EPRS1: variants seen among roughly 807,000 people sequenced by gnomAD.
The protein encoded by EPRS1 is glutamyl-prolyl-tRNA synthetase 1.
In EPRS1, 107 loss-of-function variants were observed where a neutral mutation model predicts 188.3. The observed-to-expected ratio is 0.57, with a 90% confidence interval of 0.49 to 0.67. The LOEUF is 0.67. Among genes scored for constraint, EPRS1 ranks in the 30% least tolerant of loss-of-function variants. The pLI is 0.00. For synonymous variants in EPRS1, 596 were observed against 593.1 expected, an observed-to-expected ratio of 1.00 and a Z score of -0.07; for missense variants, 1,577 against 1,802.2, an observed-to-expected ratio of 0.88 and a Z score of 2.26.
intron 6 of EPRS1, among the ~76,000 whole-genome samples, chr1:220,026,029 G>A (rs12080935): frequency 0.036 from 5,537 of 152,204 alleles, 303 homozygotes; most frequent in African/African-American, 0.12. Context: ...TCTTGACCTC[G>A]TGATCCGCCT....
chr1:219,992,610 G>A (rs1267753680), intron 18 of EPRS1, among the ~76,000 whole-genome samples: 1 of 152,178 alleles, frequency 6.6e-6, no homozygotes, highest in Admixed American at 6.6e-5. Flanking sequence ...TGTACACCAT[G>A]AGTGTGGCTG....
At chr1:219,973,743 C>T (rs187754535) in intron 28 of EPRS1, among the ~76,000 whole-genome samples, 1 of 152,236 alleles carries the variant, frequency 6.6e-6, no homozygotes, top group East Asian at 1.9e-4. Context: ...TTTGAGGCTA[C>T]AAGCCACTGA....
At chr1:220,022,261 G>T in intron 9 of EPRS1, 86 bp downstream of exon 9, 1 of 1,194,072 alleles carries the variant, frequency 8.4e-7, no homozygotes, top group Non-Finnish European at 1.2e-6. Flanking sequence ...CAGGTTTCTT[G>T]ACTATTTTGC....
chr1:220,029,931 GA>G (rs1352147304), intron 6 of EPRS1, among the ~76,000 whole-genome samples: 1 of 152,124 alleles, frequency 6.6e-6, no homozygotes, highest in African/African-American at 2.4e-5. Flanking sequence ...CTAATGGAAA[GA>G]AAGGAATAGG....
Position 219,979,408 on chromosome 1 carries a change from T to G in EPRS1, c.3909+10A>C, listed in dbSNP as rs776217803. 3.1e-6 allele frequency: 5 copies of G among 1,594,198 alleles called. No individual in the cohort carries two copies. In the South Asian group the frequency reaches 5.7e-5, roughly 18 times the overall value. On this transcript the variant is annotated intron_variant, in intron 27 of 31. Coordinates refer to ENST00000366923, the MANE Select transcript of EPRS1 (RefSeq NM_004446.3). ...ATAAAATGAGTGATAAACAGGAATA[T>G]TTTCCTTACCTGAACACATGCTACA...
In EPRS1 at chr1:219,987,299, T is replaced by C. The variant is rs1217411198; in HGVS notation, c.2881A>G (p.Lys961Glu). 4 of 1,613,956 alleles carry C rather than the reference T, an allele frequency of 2.5e-6. No homozygotes were observed. Among genetic ancestry groups the C allele is most frequent in the Admixed American group, 1.7e-5 (1 of 59,996 alleles). ...KPVSATGAED[K>E]DKKKKEKENK... is the part of the protein sequence containing the mutation. ...TCTTTTTCTTTCTTCTTCTTATCTT[T>C]GTCCTCAGCTCCAGTGGCCGACACA... The change falls in exon 20 of 32, where the codon AAA becomes GAA. Residue 961 changes from lysine to glutamate, a missense_variant. By Grantham distance (56) the Lys-to-Glu change is moderately conservative. Transcript: ENST00000366923.
Position 219,988,579 on chromosome 1 carries a change from A to C in EPRS1, c.2775+11T>G. 1 of 1,570,268 alleles carries C rather than the reference A, an allele frequency of 6.4e-7. No homozygotes were observed. The highest frequency in any genetic ancestry group is 8.8e-7 in the Non-Finnish European group (1 of 1,141,884). ...AAAAACAAAAGCATATAAACAAAAT[A>C]ACACACTAACCTTAGGGGCTTTTTC... is the stretch of plus-strand genomic sequence containing the variant. On this transcript the variant is annotated intron_variant, in intron 19 of 31. Transcript: ENST00000366923.
At chr1:220,004,141 C>T (rs1190969383) in intron 16 of EPRS1, among the ~76,000 whole-genome samples, 1 of 152,258 alleles carries the variant, frequency 6.6e-6, no homozygotes, top group African/African-American at 2.4e-5. Context: ...AATCCTGCCG[C>T]CTCACCTGCT....
chr1:220,000,715 T>C (rs577611618), intron 17 of EPRS1, among the ~76,000 whole-genome samples: 2 of 152,190 alleles, frequency 1.3e-5, no homozygotes, highest in African/African-American at 4.8e-5. Context: ...GCACGGTGAC[T>C]CATGCCTATA....
intron 30 of EPRS1, among the ~76,000 whole-genome samples, chr1:219,970,978 C>T (rs1034095697): frequency 2.0e-5 from 3 of 151,910 alleles, no homozygotes; most frequent in African/African-American, 7.3e-5. Context: ...TTAATTTTCC[C>T]AGCTCAAGAA....
intron 13 of EPRS1, among the ~76,000 whole-genome samples, chr1:220,009,011 A>T (rs1013743258): frequency 5.3e-5 from 8 of 152,148 alleles, no homozygotes; most frequent in Non-Finnish European, 1.2e-4. Flanking sequence ...CTGTCATTTT[A>T]AAAAATAAGC....
At position 220,003,476 on chromosome 1, in the gene EPRS1, G is replaced by A. The variant is rs143510906; in HGVS notation, c.2063+1772C>T. 3.1e-3 allele frequency among the ~76,000 whole-genome samples: 475 copies of A among 152,136 alleles called. 1 individual carries two copies. The highest frequency in any genetic ancestry group is 5.2e-3 in the Non-Finnish European group (352 of 67,998). ...TAGGTGTTATATCCAAAACAGCATT[G>A]CCAAGGTTACAAAGATTTACATTCA... On this transcript the variant is annotated intron_variant, in intron 16 of 31. Transcript: ENST00000366923.
chr1:219,969,653 G>GAA (rs71560594), intron 30 of EPRS1, among the ~76,000 whole-genome samples: 66,212 of 141,526 alleles, frequency 0.47, 14,908 homozygotes, highest in South Asian at 0.53. Flanking sequence ...TTTGTGTAAG[G>GAA]AAAAAAAAAA....
intron 8 of EPRS1, among the ~76,000 whole-genome samples, chr1:220,023,903 C>T (rs926490861): frequency 6.3e-4 from 96 of 152,288 alleles, no homozygotes; most frequent in African/African-American, 2.1e-3. Flanking sequence ...CCTGTAATCC[C>T]GGCACTTTGG....
intron 12 of EPRS1, among the ~76,000 whole-genome samples, chr1:220,016,983 G>T (rs1419921696): frequency 1.3e-5 from 2 of 152,118 alleles, no homozygotes; most frequent in Non-Finnish European, 2.9e-5. Context: ...GGGAGGCAGA[G>T]GTGGGCGGAT....
intron 30 of EPRS1, among the ~76,000 whole-genome samples, chr1:219,971,134 T>C (rs1660657092): frequency 6.6e-6 from 1 of 152,150 alleles, no homozygotes; most frequent in Admixed American, 6.5e-5. Context: ...AAATTCTGTA[T>C]AGTTTGGGGT....
In EPRS1 at chr1:220,005,338, T is replaced by A. The variant is rs777948951; in HGVS notation, c.1973A>T (p.Asp658Val). Residue 658 changes from aspartate (D) to valine (V), a missense_variant, in exon 16 of 32, where the codon GAT becomes GTT. Coordinates refer to ENST00000366923, the MANE Select transcript of EPRS1 (RefSeq NM_004446.3). The stretch of plus-strand genomic sequence containing the variant: ...TTTTTTCAAATCCTTAAGGCAGGGA[T>A]CCCCTAGCATTAGCTCTTCATGCTG... ...NSKHEELMLG[D>V]PCLKDLKKGD... 7.6e-6 allele frequency: 12 copies of A among 1,583,136 alleles called. No individual in the cohort carries two copies. In the South Asian group the frequency reaches 1.4e-4, roughly 18 times the overall value.
At chr1:220,039,662 G>A (rs1034716289) in intron 2 of EPRS1, among the ~76,000 whole-genome samples, 6 of 152,024 alleles carry the variant, frequency 3.9e-5, no homozygotes, top group Admixed American at 6.6e-5. Flanking sequence ...GGGATTACAA[G>A]CATGTGCCAC....
chr1:220,028,949 G>A (rs1199748730), intron 6 of EPRS1, among the ~76,000 whole-genome samples: 1 of 152,124 alleles, frequency 6.6e-6, no homozygotes, highest in South Asian at 2.1e-4. Flanking sequence ...ACTGTCTCAT[G>A]AGCGTAGTCT....
Sources: allele counts gnomAD v4.1 joint callset (sites outside exome capture counted in the v4.1 genomes callset), GRCh38; gene constraint gnomAD v4.1.1; transcripts MANE v1.5; gene names NCBI Gene and HGNC (gene_info 2026-07-23, HGNC 2026-07-21).